The following ERC2 variants were observed in gnomAD, a reference collection of about 807,000 sequenced individuals.
The protein encoded by ERC2 is ERC protein 2.
A neutral mutation model predicts 114.8 loss-of-function variants in ERC2; 42 were observed. The ratio of observed to expected loss-of-function variants is 0.37; its 90% CI spans 0.29 to 0.47. ERC2 has a LOEUF of 0.47. Ranked by LOEUF, ERC2 falls within the 20% of genes least tolerant of loss-of-function variation. The pLI, the probability that ERC2 is intolerant of heterozygous loss-of-function variation, is 0.99. For synonymous variants in ERC2, 454 were observed against 425.5 expected (o/e 1.07, Z -0.82); for missense variants, 939 against 1,150.7 (o/e 0.82, Z 2.66).
At chr3:55,994,647 T>TACAAA (rs1553766454) in intron 10 of ERC2, among the ~76,000 whole-genome samples, 2 of 61,396 alleles carry the variant, frequency 3.3e-5, no homozygotes, top group African/African-American at 1.4e-4. Context: ...ACATACTCCC[T>TACAAA]AAAAAAAAAA....
chr3:56,089,067 C>T (rs1381354246), intron 6 of ERC2, among the ~76,000 whole-genome samples: 1 of 152,136 alleles, frequency 6.6e-6, no homozygotes, highest in Admixed American at 6.5e-5. Flanking sequence ...TTTCAGCATA[C>T]ACTCTATGGT....
At chr3:56,283,029 G>A (rs926431889) in intron 3 of ERC2, among the ~76,000 whole-genome samples, 3 of 152,138 alleles carry the variant, frequency 2.0e-5, no homozygotes, top group Non-Finnish European at 4.4e-5. Flanking sequence ...AAGTCCCCAC[G>A]GTCAGCACAA....
At chr3:55,559,755 A>G (rs1483483402) in intron 17 of ERC2, among the ~76,000 whole-genome samples, 1 of 152,254 alleles carries the variant, frequency 6.6e-6, no homozygotes, top group Non-Finnish European at 1.5e-5. Flanking sequence ...AGAGAGAACA[A>G]GAGAGATTAA....
At chr3:55,921,865 A>C (rs1213726906) in intron 13 of ERC2, among the ~76,000 whole-genome samples, 1 of 152,164 alleles carries the variant, frequency 6.6e-6, no homozygotes, top group Non-Finnish European at 1.5e-5. Context: ...CTTTCAGATA[A>C]TTTCTACTGT....
chr3:55,827,977 C>T (rs997165747), intron 14 of ERC2, among the ~76,000 whole-genome samples: 9 of 152,374 alleles, frequency 5.9e-5, no homozygotes, highest in Non-Finnish European at 8.8e-5. Flanking sequence ...ATCGCCACTG[C>T]GGCCAAGCCG....
chr3:55,831,667 C>T (rs1186094243), intron 14 of ERC2, among the ~76,000 whole-genome samples: 2 of 152,144 alleles, frequency 1.3e-5, no homozygotes, highest in African/African-American at 2.4e-5. Context: ...GTCTACAGCT[C>T]CCAGCATGAG....
At chr3:55,872,967 G>C (rs1242706512) in intron 14 of ERC2, among the ~76,000 whole-genome samples, 1 of 152,160 alleles carries the variant, frequency 6.6e-6, no homozygotes, top group Non-Finnish European at 1.5e-5. Context: ...GTAATGTCTG[G>C]AGTCATTTCT....
intron 1 of ERC2, among the ~76,000 whole-genome samples, chr3:56,447,479 T>C (rs75106211): frequency 0.019 from 2,951 of 152,242 alleles, 42 homozygotes; most frequent in Non-Finnish European, 0.031. Context: ...AGTGGAGAGA[T>C]TCGGAACTTC....
intron 13 of ERC2, among the ~76,000 whole-genome samples, chr3:55,931,888 T>C (rs375772502): frequency 6.6e-6 from 1 of 152,228 alleles, no homozygotes; most frequent in Non-Finnish European, 1.5e-5. Flanking sequence ...TCATTTGCTG[T>C]GCATGTGCTT....
chr3:55,775,228 A>G (rs1158370644), intron 14 of ERC2, among the ~76,000 whole-genome samples: 1 of 152,170 alleles, frequency 6.6e-6, no homozygotes, highest in Non-Finnish European at 1.5e-5. Context: ...CATGAGAGAC[A>G]GAAAAAGAAA....
intron 2 of ERC2, among the ~76,000 whole-genome samples, chr3:56,398,550 G>A (rs1054105861): frequency 2.6e-5 from 4 of 151,880 alleles, no homozygotes; most frequent in African/African-American, 4.8e-5. Flanking sequence ...ATAAATGTGT[G>A]TATATATACA....
chr3:56,251,433 A>G (rs980883068), intron 3 of ERC2, among the ~76,000 whole-genome samples: 27 of 152,202 alleles, frequency 1.8e-4, no homozygotes, highest in African/African-American at 6.0e-4. Flanking sequence ...CTTAAAATCA[A>G]TTTAATAACT....
At chr3:56,321,755 CA>C (rs2150423931) in intron 2 of ERC2, among the ~76,000 whole-genome samples, 1 of 152,274 alleles carries the variant, frequency 6.6e-6, no homozygotes, top group East Asian at 1.9e-4. Context: ...GTAAATCAAG[CA>C]AGTTTAGATC....
At chr3:55,662,004 G>C (rs1470856198) in intron 17 of ERC2, among the ~76,000 whole-genome samples, 1 of 152,124 alleles carries the variant, frequency 6.6e-6, no homozygotes, top group Non-Finnish European at 1.5e-5. Context: ...GCAAAGCTAA[G>C]GTTTTTATAT....
intron 1 of ERC2, among the ~76,000 whole-genome samples, chr3:56,438,390 G>T (rs115848051): frequency 0.011 from 1,588 of 150,342 alleles, 35 homozygotes; most frequent in African/African-American, 0.037. Flanking sequence ...ACGTTAGTTG[G>T]TCAAGGAGAT....
At chr3:56,323,714 T>C (rs1470655698) in intron 2 of ERC2, among the ~76,000 whole-genome samples, 1 of 152,204 alleles carries the variant, frequency 6.6e-6, no homozygotes, top group African/African-American at 2.4e-5. Context: ...GGCCCATCTC[T>C]ACCACCCATC....
intron 13 of ERC2, among the ~76,000 whole-genome samples, chr3:55,896,787 T>A (rs552047369): frequency 5.3e-4 from 80 of 152,300 alleles, no homozygotes; most frequent in African/African-American, 1.9e-3. Context: ...ACATAATAAT[T>A]AAAGGTTTCT....
intron 2 of ERC2, among the ~76,000 whole-genome samples, chr3:56,306,414 G>A (rs1469254240): frequency 2.0e-5 from 3 of 152,186 alleles, no homozygotes; most frequent in Non-Finnish European, 4.4e-5. Flanking sequence ...TGGGATGTTA[G>A]ATTATTGTGC....
chr3:55,795,915 A>C (rs896800184), intron 14 of ERC2, among the ~76,000 whole-genome samples: 7 of 152,238 alleles, frequency 4.6e-5, no homozygotes, highest in African/African-American at 4.8e-5. Context: ...CAGGGACCAG[A>C]ATACAGTCAG....
Sources: allele counts gnomAD v4.1 joint callset (sites outside exome capture counted in the v4.1 genomes callset), GRCh38; gene constraint gnomAD v4.1.1; transcripts MANE v1.5; gene names NCBI Gene and HGNC (gene_info 2026-07-23, HGNC 2026-07-21).